The following RYR3 variants were observed in gnomAD, a reference collection of about 807,000 sequenced individuals.
The protein encoded by RYR3 is brain ryanodine receptor-calcium release channel.
Under a neutral mutation model 584.3 loss-of-function variants are expected in RYR3, and 207 were observed. The ratio of observed to expected loss-of-function variants is 0.35; its 90% CI spans 0.32 to 0.40. RYR3 has a LOEUF of 0.40. Ranked by LOEUF, RYR3 falls within the 10% of genes least tolerant of loss-of-function variation. The pLI is 1.00. For synonymous variants in RYR3, 2,416 were observed against 2,248.5 expected, an observed-to-expected ratio of 1.07 and a Z score of -2.11; for missense variants, 5,616 against 6,089.2, an observed-to-expected ratio of 0.92 and a Z score of 2.59.
At chr15:33,375,860 T>G (rs1298885844) in intron 1 of RYR3, among the ~76,000 whole-genome samples, 1 of 152,010 alleles carries the variant, frequency 6.6e-6, no homozygotes, top group Admixed American at 6.5e-5. Flanking sequence ...GTCAGGAGAT[T>G]GAGACCATCC....
At chr15:33,501,123 A>G (rs1222186012) in intron 2 of RYR3, among the ~76,000 whole-genome samples, 1 of 152,164 alleles carries the variant, frequency 6.6e-6, no homozygotes, top group Non-Finnish European at 1.5e-5. Context: ...CTTCCTCTCC[A>G]TGCACACTAT....
chr15:33,587,582 C>T (rs2058919850), intron 16 of RYR3, among the ~76,000 whole-genome samples: 2 of 152,192 alleles, frequency 1.3e-5, no homozygotes, highest in African/African-American at 2.4e-5. Flanking sequence ...GAAATCAATG[C>T]CTGATCTGAT....
At chr15:33,519,255 A>G (rs931947335) in intron 3 of RYR3, among the ~76,000 whole-genome samples, 3 of 152,214 alleles carry the variant, frequency 2.0e-5, no homozygotes, top group Non-Finnish European at 2.9e-5. Context: ...TCTTCACCAC[A>G]CATAGATTTT....
intron 20 of RYR3, among the ~76,000 whole-genome samples, chr15:33,624,384 A>C (rs1419568558): frequency 6.6e-6 from 1 of 152,258 alleles, no homozygotes; most frequent in African/African-American, 2.4e-5. Flanking sequence ...TAAATACTAG[A>C]GAAATCCTTT....
chr15:33,741,979 C>T, intron 51 of RYR3, among the ~76,000 whole-genome samples: 1 of 152,204 alleles, frequency 6.6e-6, no homozygotes, highest in Non-Finnish European at 1.5e-5. Flanking sequence ...TATTTCATAA[C>T]ATACGGCTCT....
chr15:33,521,446 T>C (rs1382885225), intron 3 of RYR3, among the ~76,000 whole-genome samples: 1 of 152,150 alleles, frequency 6.6e-6, no homozygotes, highest in Non-Finnish European at 1.5e-5. Context: ...TTCTAGGCAC[T>C]TCCAAGAGAG....
intron 77 of RYR3, among the ~76,000 whole-genome samples, chr15:33,820,074 G>A (rs890869537): frequency 6.6e-6 from 1 of 152,174 alleles, no homozygotes; most frequent in African/African-American, 2.4e-5. Context: ...ATGGGGCTTA[G>A]GCATACAGAA....
intron 38 of RYR3, among the ~76,000 whole-genome samples, chr15:33,692,966 T>C (rs917632363): frequency 6.6e-6 from 1 of 152,212 alleles, no homozygotes; most frequent in Non-Finnish European, 1.5e-5. Context: ...GAGAAGATGG[T>C]CCTTGAGCAG....
At chr15:33,587,469 C>T (rs974128106) in intron 16 of RYR3, among the ~76,000 whole-genome samples, 2 of 152,122 alleles carry the variant, frequency 1.3e-5, no homozygotes, top group African/African-American at 4.8e-5. Context: ...CAGCCAAAAG[C>T]CACAAAGCAT....
At chr15:33,766,215 G>A (rs769619064) in intron 60 of RYR3, among the ~76,000 whole-genome samples, 20 of 151,636 alleles carry the variant, frequency 1.3e-4, no homozygotes, top group Admixed American at 3.3e-4. Flanking sequence ...CCCAGGAGAC[G>A]GAGGTTGCAG....
At chr15:33,728,762 T>C (rs1285579681) in intron 46 of RYR3, 95 bp from the exon 47 acceptor site, 3 of 1,211,488 alleles carry the variant, frequency 2.5e-6, no homozygotes, top group Non-Finnish European at 3.4e-6. Context: ...TTGTCCCTTA[T>C]AGGGAGAATA....
At chr15:33,499,852 T>C (rs969232817) in intron 2 of RYR3, among the ~76,000 whole-genome samples, 17 of 152,210 alleles carry the variant, frequency 1.1e-4, no homozygotes, top group African/African-American at 4.1e-4. Flanking sequence ...TTCAGAGCCA[T>C]TGACACACCT....
chr15:33,785,414 T>C (rs1044083247), intron 65 of RYR3, among the ~76,000 whole-genome samples: 4 of 152,194 alleles, frequency 2.6e-5, no homozygotes. Context: ...GTGTCTGCTG[T>C]ACTCCTTTAA....
At position 33,644,472 on chromosome 15, in the gene RYR3, C is replaced by T. The variant is rs1202307361; in HGVS notation, c.3718C>T (p.Arg1240Cys). Reference protein sequence around the residue: ...NRDVAMWFSKRLPTFVNVPKD... With the variant: ...NRDVAMWFSKCLPTFVNVPKD... Reference sequence around the variant, plus strand: ...AGATGTTGCTATGTGGTTCAGCAAGCGCCTCCCGACGTTTGTCAACGTGCC... The same window carrying T: ...AGATGTTGCTATGTGGTTCAGCAAGTGCCTCCCGACGTTTGTCAACGTGCC... The change falls in exon 28 of 104, where the codon CGC becomes TGC. Residue 1240 changes from arginine to cysteine, a missense_variant. Physicochemically the swap from Arg to Cys is radical, Grantham distance 180. Around this residue, in one of 9 missense-constraint regions of RYR3, gnomAD observed 152 missense variants for 200.9 expected, o/e 0.76. Transcript: ENST00000634891. The T allele has an allele frequency of 5.6e-6, 9 of 1,613,882 alleles. No homozygotes were observed. Among genetic ancestry groups the T allele is most frequent in the Admixed American group, 3.3e-5 (2 of 60,016 alleles).
In RYR3 at chr15:33,652,906, A is replaced by G. The variant is rs747018853; in HGVS notation, c.4308+23A>G. 2.5e-6 allele frequency: 4 copies of G among 1,594,884 alleles called. No homozygotes were observed. In the East Asian group the frequency reaches 9.0e-5, roughly 36 times the overall value. ...CAGGTAAGGGCGGCTTCTGGGGCCGAAACAGGGCTATCCCAGGCCTGGTGT... is the reference window on the plus strand; with the variant it reads ...CAGGTAAGGGCGGCTTCTGGGGCCGGAACAGGGCTATCCCAGGCCTGGTGT... On this transcript the variant is annotated intron_variant, in intron 32 of 103. Transcript: ENST00000634891.
chr15:33,684,132 T>TCA (rs1412286084), intron 38 of RYR3, among the ~76,000 whole-genome samples: 1 of 152,252 alleles, frequency 6.6e-6, no homozygotes, highest in Non-Finnish European at 1.5e-5. Flanking sequence ...AAGAGAGCAG[T>TCA]GGTTCTCCCA....
At chr15:33,674,986 T>G (rs888745258) in intron 38 of RYR3, among the ~76,000 whole-genome samples, 1 of 150,940 alleles carries the variant, frequency 6.6e-6, no homozygotes, top group African/African-American at 2.4e-5. Context: ...TCCCAGTTAC[T>G]GGGGAGGCTG....
Position 33,415,690 on chromosome 15 carries a change from A to G in RYR3, c.52-57729A>G, listed in dbSNP as rs187626449. On this transcript the variant is annotated intron_variant, in intron 1 of 103. Transcript: ENST00000634891. ...GACTCAATTTTATTTAGTTTTTTAC[A>G]AGACATAATTTATTTCCTTTTTTTA... is the stretch of plus-strand genomic sequence containing the variant. Among the ~76,000 whole-genome samples, 348 of 151,894 alleles carry G rather than the reference A, an allele frequency of 2.3e-3. 1 individual carries two copies. The highest frequency in any genetic ancestry group is 0.01 in the Middle Eastern group (3 of 294).
chr15:33,556,888 A>G (rs1185551906), intron 10 of RYR3, among the ~76,000 whole-genome samples: 1 of 152,192 alleles, frequency 6.6e-6, no homozygotes, highest in African/African-American at 2.4e-5. Context: ...CTCTGAATAT[A>G]GACCATACCA....
Sources: gnomAD v4.1 joint callset for allele counts (sites outside exome capture counted in the v4.1 genomes callset) on GRCh38, gnomAD v4.1.1 for gene constraint, gnomAD v4.1.1 regional missense constraint, MANE v1.5 for transcripts, NCBI Gene and HGNC (gene_info 2026-07-23, HGNC 2026-07-21) for gene names.